Variants in JAKMIP2 observed in about 807,000 individuals in gnomAD.
JAKMIP2 encodes janus kinase and microtubule-interacting protein 2.
A neutral mutation model predicts 115.0 loss-of-function variants in JAKMIP2; 25 were observed. The ratio of observed to expected loss-of-function variants is 0.22; its 90% CI spans 0.16 to 0.30. The LOEUF is 0.30. Ranked by LOEUF, JAKMIP2 falls within the 10% of genes least tolerant of loss-of-function variation. JAKMIP2 has a pLI of 1.00. For missense variants in JAKMIP2, 642 were observed against 957.6 expected (o/e 0.67, Z 4.35); for synonymous variants, 334 against 343.6 (o/e 0.97, Z 0.31).
chr5:147,723,329 GC>G (rs1753391242), intron 1 of JAKMIP2, among the ~76,000 whole-genome samples: 3 of 152,074 alleles, frequency 2.0e-5, no homozygotes, highest in African/African-American at 7.2e-5. Flanking sequence ...TAAAGATCAT[GC>G]CAAATAACTC....
chr5:147,591,458 T>C lies in JAKMIP2; in HGVS notation c.*249A>G. The C allele has an allele frequency of 1.8e-6, 1 of 563,362 alleles. No individual in the cohort carries two copies. Among genetic ancestry groups the C allele is most frequent in the Non-Finnish European group, 3.2e-6 (1 of 315,244 alleles). 34.9% of individuals were successfully genotyped at this position (563,362 alleles called of 1,614,324 possible). ...ATAGTTCTTCTCTTCTGATTTGACA[T>C]ATACATGTTTCATTAAATGCAGCAT... is the stretch of plus-strand genomic sequence containing the variant. On this transcript the variant is annotated 3_prime_UTR_variant, in exon 22 of 22. Transcript: ENST00000616793.
rs547479463 is a variant in JAKMIP2, at chr5:147,750,593, C to A, written c.-149+31863G>T. Among the ~76,000 whole-genome samples, 23 of 151,336 alleles carry A rather than the reference C, an allele frequency of 1.5e-4. No homozygotes were observed. The East Asian group carries it at 4.3e-3, about 28-fold the overall frequency. On this transcript the variant is annotated intron_variant, in intron 1 of 21. Coordinates refer to ENST00000616793, the MANE Select transcript of JAKMIP2 (RefSeq NM_001270941.2). Reference sequence around the variant, plus strand: ...ACACACACACACACACACACACACACAAAAGAAACCTATATTACATGAAAT... The same window carrying A: ...ACACACACACACACACACACACACAAAAAAGAAACCTATATTACATGAAAT...
intron 1 of JAKMIP2, among the ~76,000 whole-genome samples, chr5:147,672,615 A>G (rs1040441636): frequency 7.2e-5 from 11 of 152,352 alleles, no homozygotes; most frequent in African/African-American, 2.6e-4. Context: ...GTCACCATCC[A>G]TAATCTGATA....
intron 1 of JAKMIP2, among the ~76,000 whole-genome samples, chr5:147,713,288 C>G (rs549846152): frequency 6.6e-6 from 1 of 152,050 alleles, no homozygotes; most frequent in East Asian, 1.9e-4. Flanking sequence ...GAGCCTTTCA[C>G]TAACATCAAG....
rs533508956 is a variant in JAKMIP2 at position 147,657,193 on chromosome 5, TGGCATGAACCCGGGA to T, written c.627+3740_627+3754del. On this transcript the variant is annotated intron_variant, in intron 3 of 21. Coordinates refer to ENST00000616793, the MANE Select transcript of JAKMIP2 (RefSeq NM_001270941.2). ...TATTCGGGAGGCTGAGGCAGGGGAA[TGGCATGAACCCGGGA>T]GGCGGAGCTTGCAGTGAGCCGAGAT... 6.9e-3 allele frequency among the ~76,000 whole-genome samples: 1,045 copies of T among 152,208 alleles called. 15 individuals carry two copies. The highest frequency in any genetic ancestry group is 0.024 in the African/African-American group (1,002 of 41,502).
intron 1 of JAKMIP2, among the ~76,000 whole-genome samples, chr5:147,757,447 G>A (rs993984669): frequency 5.3e-5 from 8 of 151,942 alleles, no homozygotes; most frequent in Admixed American, 3.9e-4. Flanking sequence ...AAAGACCTTC[G>A]AGAAGTAATA....
chr5:147,658,717 G>A (rs1175631980), intron 3 of JAKMIP2, among the ~76,000 whole-genome samples: 3 of 152,152 alleles, frequency 2.0e-5, no homozygotes, highest in Admixed American at 6.5e-5. Flanking sequence ...TTCCTGCAGA[G>A]AGACCTTGCC....
At chr5:147,759,326 T>A (rs1009186293) in intron 1 of JAKMIP2, among the ~76,000 whole-genome samples, 1 of 152,192 alleles carries the variant, frequency 6.6e-6, no homozygotes, top group East Asian at 1.9e-4. Flanking sequence ...AAAAATGAGA[T>A]GGCATATCAA....
intron 14 of JAKMIP2, among the ~76,000 whole-genome samples, chr5:147,631,174 C>G (rs1757331511): frequency 6.6e-6 from 1 of 152,188 alleles, no homozygotes; most frequent in South Asian, 2.1e-4. Context: ...TCATATGACT[C>G]TGTTCTAAAT....
At position 147,587,795 on chromosome 5, in the gene JAKMIP2, G is replaced by A. The variant is rs556772469; in HGVS notation, c.*3912C>T. 3.1e-4 allele frequency: 47 copies of A among 152,220 alleles called. No homozygotes were observed. Among genetic ancestry groups the A allele is most frequent in the African/African-American group, 1.1e-3 (46 of 41,538 alleles). The allele number at this position is 152,220 out of a possible 1,614,324, so 9.4% of individuals were successfully genotyped here. A position where few individuals can be genotyped will look rare whatever the true frequency, so the allele number is the denominator to read the frequency against. On this transcript the variant is annotated 3_prime_UTR_variant, in exon 22 of 22. Transcript: ENST00000616793. ...AGCAAAGTTGAAACAAAATACTGCA[G>A]CAAAATTTATTTGGCAAACTTTATT...
At chr5:147,642,805 G>A (rs781667290) in intron 7 of JAKMIP2, among the ~76,000 whole-genome samples, 3 of 152,092 alleles carry the variant, frequency 2.0e-5, no homozygotes, top group South Asian at 2.1e-4. Context: ...GTGTGTCTAC[G>A]TGGGTGTTGC....
intron 2 of JAKMIP2, among the ~76,000 whole-genome samples, chr5:147,668,823 T>G (rs989176129): frequency 1.3e-5 from 2 of 152,198 alleles, no homozygotes; most frequent in Non-Finnish European, 2.9e-5. Flanking sequence ...GCCAGTCAGG[T>G]GCTAGTGAAG....
chr5:147,587,396 G>A lies in JAKMIP2; in HGVS notation c.*4311C>T, dbSNP rs1043652684. 1 of 143,982 alleles carries A rather than the reference G, an allele frequency of 6.9e-6. No individual in the cohort carries two copies. The highest frequency in any genetic ancestry group is 2.5e-5 in the African/African-American group (1 of 39,316). 8.9% of individuals were successfully genotyped at this position (143,982 alleles called of 1,614,324 possible). On this transcript the variant is annotated 3_prime_UTR_variant, in exon 22 of 22. Transcript: ENST00000616793. ...CAAGCAATGCAACTCCCAAATTACA[G>A]AGCAAATTTCTATTGCTCTGTGTGT...
At chr5:147,613,859 G>A (rs1756445461) in intron 19 of JAKMIP2, among the ~76,000 whole-genome samples, 1 of 152,184 alleles carries the variant, frequency 6.6e-6, no homozygotes, top group South Asian at 2.1e-4. Context: ...AGACCATAAA[G>A]GTTAACCTTG....
At chr5:147,760,680 T>C (rs966065111) in intron 1 of JAKMIP2, among the ~76,000 whole-genome samples, 6 of 152,116 alleles carry the variant, frequency 3.9e-5, no homozygotes, top group Non-Finnish European at 7.4e-5. Context: ...GAAGACTTTT[T>C]CAACACACAT....
At chr5:147,631,808 A>G (rs922384568) in intron 13 of JAKMIP2, among the ~76,000 whole-genome samples, 2 of 152,168 alleles carry the variant, frequency 1.3e-5, no homozygotes, top group African/African-American at 2.4e-5. Flanking sequence ...GCTTTCAAAT[A>G]TCTCAGCGTG....
intron 21 of JAKMIP2, among the ~76,000 whole-genome samples, chr5:147,597,015 G>T (rs1755424977): frequency 6.6e-6 from 1 of 150,416 alleles, no homozygotes; most frequent in Non-Finnish European, 1.5e-5. Flanking sequence ...TGGGATTATA[G>T]GCACGGACCA....
intron 18 of JAKMIP2, among the ~76,000 whole-genome samples, chr5:147,620,256 T>G (rs1182291680): frequency 6.6e-6 from 1 of 151,996 alleles, no homozygotes; most frequent in East Asian, 1.9e-4. Context: ...TCACCATGAT[T>G]GGCTAATTTT....
intron 1 of JAKMIP2, among the ~76,000 whole-genome samples, chr5:147,746,385 C>T (rs1212793533): frequency 6.6e-6 from 1 of 152,146 alleles, no homozygotes; most frequent in African/African-American, 2.4e-5. Flanking sequence ...AAAGATAGAA[C>T]TTCAGAACAA....
Sources: gnomAD v4.1 joint callset for allele counts (sites outside exome capture counted in the v4.1 genomes callset) on GRCh38, gnomAD v4.1.1 for gene constraint, MANE v1.5 for transcripts, NCBI Gene and HGNC (gene_info 2026-07-23, HGNC 2026-07-21) for gene names.